The following SDK1 variants were observed in gnomAD, a reference collection of about 807,000 sequenced individuals.
The protein encoded by SDK1 is sidekick cell adhesion molecule 1.
Under a neutral mutation model 245.5 loss-of-function variants are expected in SDK1, and 157 were observed. That is an observed-to-expected ratio of 0.64 (90% CI 0.56 to 0.73). The LOEUF is 0.73. Among genes scored for constraint, SDK1 ranks in the 30% least tolerant of loss-of-function variants. The pLI, the probability that SDK1 is intolerant of heterozygous loss-of-function variation, is 0.00. For missense variants in SDK1, 3,583 were observed against 3,002.3 expected, an observed-to-expected ratio of 1.19 and a Z score of -4.52; for synonymous variants, 1,647 against 1,278.5, an observed-to-expected ratio of 1.29 and a Z score of -6.15.
Position 4,217,041 on chromosome 7 carries a change from A to C in SDK1, c.5540-3068A>C, listed in dbSNP as rs1354268217. On this transcript the variant is annotated intron_variant, in intron 38 of 44. Transcript: ENST00000404826. ...ACCACACCACCCGGAGCACCAGGCC[A>C]CCCGGAGCACCACACCACCCGGAGC... Among the ~76,000 whole-genome samples the C allele has an allele frequency of 5.2e-4, 26 of 50,476 alleles. 1 individual carries two copies. Among genetic ancestry groups the C allele is most frequent in the Non-Finnish European group, 6.0e-4 (15 of 25,190 alleles). The allele number at this position is 50,476 out of a possible 152,430, so 33.1% of individuals were successfully genotyped here.
At chr7:3,629,562 C>G (rs1051770969) in intron 2 of SDK1, among the ~76,000 whole-genome samples, 12 of 152,182 alleles carry the variant, frequency 7.9e-5, no homozygotes, top group Admixed American at 5.2e-4. Context: ...ATCAGATAGC[C>G]TGCACAGAGG....
chr7:3,802,867 G>C (rs762468827), intron 4 of SDK1, among the ~76,000 whole-genome samples: 3 of 152,146 alleles, frequency 2.0e-5, no homozygotes, highest in Non-Finnish European at 2.9e-5. Flanking sequence ...AGGAACATTT[G>C]TTGTTGTTTT....
chr7:4,166,336 G>T (rs2128214506), intron 32 of SDK1, among the ~76,000 whole-genome samples: 1 of 152,368 alleles, frequency 6.6e-6, no homozygotes, highest in East Asian at 1.9e-4. Flanking sequence ...ACTGAGGCAG[G>T]CCACAGAATG....
chr7:3,841,042 C>G (rs1780144353), intron 5 of SDK1, among the ~76,000 whole-genome samples: 1 of 152,188 alleles, frequency 6.6e-6, no homozygotes, highest in Non-Finnish European at 1.5e-5. Context: ...GTGATGAGCT[C>G]CCTCATCACA....
chr7:4,115,668 C>T (rs956963100), intron 25 of SDK1, among the ~76,000 whole-genome samples: 2 of 152,168 alleles, frequency 1.3e-5, no homozygotes, highest in African/African-American at 4.8e-5. Context: ...CAAGAGATGG[C>T]CAGGGCCTGC....
intron 1 of SDK1, among the ~76,000 whole-genome samples, chr7:3,494,669 A>G (rs1781968112): frequency 6.6e-6 from 1 of 152,122 alleles, no homozygotes; most frequent in Non-Finnish European, 1.5e-5. Context: ...TGTTTTATAT[A>G]CTCTGTTAAA....
At chr7:3,971,919 C>T (rs757097006) in intron 12 of SDK1, among the ~76,000 whole-genome samples, 4 of 152,140 alleles carry the variant, frequency 2.6e-5, no homozygotes, top group Non-Finnish European at 2.9e-5. Context: ...ATTGTTTACA[C>T]GGGGGCTGTG....
At chr7:4,215,062 C>A (rs915165202) in intron 38 of SDK1, among the ~76,000 whole-genome samples, 1 of 152,196 alleles carries the variant, frequency 6.6e-6, no homozygotes, top group East Asian at 1.9e-4. Context: ...GCCTCGGGAC[C>A]CTGGCGCTCG....
At chr7:3,776,061 C>T (rs907061392) in intron 4 of SDK1, among the ~76,000 whole-genome samples, 1 of 152,206 alleles carries the variant, frequency 6.6e-6, no homozygotes, top group African/African-American at 2.4e-5. Flanking sequence ...CATTCATCAC[C>T]TACCACGCAT....
chr7:3,680,747 T>G (rs542090945), intron 4 of SDK1, among the ~76,000 whole-genome samples: 4 of 152,336 alleles, frequency 2.6e-5, no homozygotes, highest in African/African-American at 9.6e-5. Flanking sequence ...ATCCCTAGGT[T>G]TGTTGTCTCC....
intron 4 of SDK1, among the ~76,000 whole-genome samples, chr7:3,789,012 G>T (rs1780997411): frequency 6.6e-6 from 1 of 152,236 alleles, no homozygotes. Context: ...TGCCACGGCT[G>T]ACAAGCTCCT....
intron 5 of SDK1, among the ~76,000 whole-genome samples, chr7:3,917,480 G>C (rs558005441): frequency 2.0e-5 from 3 of 152,154 alleles, no homozygotes; most frequent in African/African-American, 7.2e-5. Flanking sequence ...GAACTCACAG[G>C]TGAGCCCCTC....
chr7:3,445,916 T>A (rs1280992410), intron 1 of SDK1, among the ~76,000 whole-genome samples: 1 of 152,134 alleles, frequency 6.6e-6, no homozygotes, highest in Non-Finnish European at 1.5e-5. Flanking sequence ...CAACTTTCTT[T>A]ACATATTCTT....
intron 1 of SDK1, among the ~76,000 whole-genome samples, chr7:3,424,832 G>C (rs1202763810): frequency 3.9e-5 from 6 of 152,186 alleles, no homozygotes; most frequent in African/African-American, 1.4e-4. Context: ...AGGAAGTCAA[G>C]GCTGCAGTGA....
chr7:3,711,932 T>G (rs958148632), intron 4 of SDK1, among the ~76,000 whole-genome samples: 1 of 152,192 alleles, frequency 6.6e-6, no homozygotes, highest in Non-Finnish European at 1.5e-5. Flanking sequence ...GGCAAGTTAC[T>G]TTGTCTAAAG....
At position 3,559,475 on chromosome 7, in the gene SDK1, A is replaced by AT. The variant is rs1184338706; in HGVS notation, c.299-59605_299-59604insT. ...AAAATGGAGAAAGATGAATGTTTCA[A>AT]ATTTTTTTTTAAGTGCCAGGATACT... On this transcript the variant is annotated intron_variant, in intron 1 of 44. Coordinates refer to ENST00000404826, the MANE Select transcript of SDK1 (RefSeq NM_152744.4). Among the ~76,000 whole-genome samples, 7 of 151,624 alleles carry AT rather than the reference A, an allele frequency of 4.6e-5. No individual in the cohort carries two copies. The South Asian group carries it at 8.3e-4, about 18-fold the overall frequency.
At chr7:3,480,385 G>T (rs138773798) in intron 1 of SDK1, among the ~76,000 whole-genome samples, 2 of 151,852 alleles carry the variant, frequency 1.3e-5, no homozygotes, top group Non-Finnish European at 2.9e-5. Flanking sequence ...AAGAACTTCC[G>T]TGTTCCGGAT....
At position 4,076,630 on chromosome 7, in the gene SDK1, A is replaced by G. The variant is rs1284249347; in HGVS notation, c.3011-368A>G. Among the ~76,000 whole-genome samples, 4 of 152,358 alleles carry G rather than the reference A, an allele frequency of 2.6e-5. No homozygotes were observed. The East Asian group carries it at 7.7e-4, about 29-fold the overall frequency. ...ATTGGTGAAATGCATTCATAATTTG[A>G]CAAGAGAAGGTCGAATTGAGCACAG... is the stretch of plus-strand genomic sequence containing the variant. On this transcript the variant is annotated intron_variant, in intron 20 of 44. Coordinates refer to ENST00000404826, the MANE Select transcript of SDK1 (RefSeq NM_152744.4).
At chr7:3,433,896 G>A (rs1779940386) in intron 1 of SDK1, among the ~76,000 whole-genome samples, 2 of 152,196 alleles carry the variant, frequency 1.3e-5, no homozygotes, top group South Asian at 4.1e-4. Context: ...TTACATGAAA[G>A]TCATGATATT....
Sources: allele counts gnomAD v4.1 joint callset (sites outside exome capture counted in the v4.1 genomes callset), GRCh38; gene constraint gnomAD v4.1.1; transcripts MANE v1.5; gene names NCBI Gene and HGNC (gene_info 2026-07-23, HGNC 2026-07-21).